Variants in RRM2 observed in about 807,000 individuals in gnomAD.
The protein encoded by RRM2 is ribonucleotide reductase regulatory subunit M2.
A neutral mutation model predicts 45.9 loss-of-function variants in RRM2; 6 were observed. The ratio of observed to expected loss-of-function variants is 0.13; its 90% CI spans 0.07 to 0.26. The LOEUF is 0.26. Ranked by LOEUF, RRM2 falls within the 10% of genes least tolerant of loss-of-function variation. The pLI is 1.00. For synonymous variants in RRM2, 177 were observed against 173.0 expected (o/e 1.02, Z -0.18); for missense variants, 343 against 489.5 (o/e 0.70, Z 2.82).
chr2:10,206,621 T>C (rs772829834), intron 3 of RRM2, among the ~76,000 whole-genome samples: 12 of 152,156 alleles, frequency 7.9e-5, no homozygotes, highest in Non-Finnish European at 1.3e-4. Context: ...GAAGGGGACA[T>C]GTGATAGTCA....
rs115637599 is a variant in RRM2 at position 10,125,074 on chromosome 2, A to G, written c.569+224A>G. 6.6e-3 allele frequency among the ~76,000 whole-genome samples: 1,012 copies of G among 152,328 alleles called. 13 individuals carry two copies. Among genetic ancestry groups the G allele is most frequent in the African/African-American group, 0.023 (954 of 41,556 alleles). On this transcript the variant is annotated intron_variant, in intron 5 of 9. Coordinates refer to ENST00000304567, the MANE Select transcript of RRM2 (RefSeq NM_001034.4). ...TCCTTTTAAAGTTGGATGTCTACCA[A>G]TGTAAAACCTTCTTTTGAAAAAATT...
intron 3 of RRM2, among the ~76,000 whole-genome samples, chr2:10,155,390 T>C (rs4669536): frequency 0.15 from 22,907 of 152,216 alleles, 1,847 homozygotes; most frequent in Middle Eastern, 0.18. Context: ...AGAAGGTACC[T>C]TGCTCATTCA....
rs112904426 is a variant in RRM2, at chr2:10,195,837, G to C, written n.483-14474G>C. On this transcript the variant is annotated intron_variant and non_coding_transcript_variant, in intron 3 of 3. Coordinates refer to the RRM2 transcript ENST00000381786. This position sits in a 1 kb window ranked among gnomAD's most constrained non-coding sequence, Gnocchi z 4.9. Reference sequence around the variant, plus strand: ...TGGCCGATGCTGTGTTAGGATAAACGTGCTAAGGAGGCTCTGGAAAAGAAT... The same window carrying C: ...TGGCCGATGCTGTGTTAGGATAAACCTGCTAAGGAGGCTCTGGAAAAGAAT... Among the ~76,000 whole-genome samples, 4,435 of 152,266 alleles carry C rather than the reference G, an allele frequency of 0.029. 235 individuals carry two copies. The highest frequency in any genetic ancestry group is 0.1 in the African/African-American group (4,227 of 41,550).
rs1331272143 is a variant in RRM2 at position 10,131,069 on chromosome 2, ATTG to A, written c.*1686_*1688del. ...TCAGTATTTGAACGTCGTCCTGTTT[ATTG>A]TTAGTTTTCTTCATCATTTATTGTA... On this transcript the variant is annotated 3_prime_UTR_variant, in exon 10 of 10. Coordinates refer to ENST00000304567, the MANE Select transcript of RRM2 (RefSeq NM_001034.4). 4.6e-5 allele frequency: 7 copies of A among 152,066 alleles called. No homozygotes were observed. Among genetic ancestry groups the A allele is most frequent in the Non-Finnish European group, 1.0e-4 (7 of 68,014 alleles). 9.4% of individuals were successfully genotyped at this position (152,066 alleles called of 1,614,324 possible). A position where few individuals can be genotyped will look rare whatever the true frequency, so the allele number is the denominator to read the frequency against.
intron 3 of RRM2, among the ~76,000 whole-genome samples, chr2:10,197,182 G>T (rs1218624233): frequency 6.6e-6 from 1 of 152,204 alleles, no homozygotes; most frequent in Admixed American, 6.5e-5. Flanking sequence ...TCCCTCCTTC[G>T]AGTGGGGACA....
chr2:10,142,906 C>T lies in RRM2; in HGVS notation n.482+531C>T, dbSNP rs549872797. ...TGTTTGGTTTTGAGACAGAGTCTTG[C>T]TCTGTCACCCAGGCTGCAGTGCAGT... On this transcript the variant is annotated intron_variant and non_coding_transcript_variant, in intron 3 of 3. Coordinates refer to the RRM2 transcript ENST00000381786. Among the ~76,000 whole-genome samples, 45 of 152,328 alleles carry T rather than the reference C, an allele frequency of 3.0e-4. No homozygotes were observed. The South Asian group carries it at 5.4e-3, about 18-fold the overall frequency.
intron 5 of RRM2, 51 bp downstream of exon 5, chr2:10,124,901 T>C: frequency 1.3e-6 from 2 of 1,531,698 alleles, no homozygotes; most frequent in South Asian, 2.4e-5. Context: ...TAATTGTTGA[T>C]TTATTACACA....
chr2:10,193,696 G>C (rs1664356871), intron 3 of RRM2, among the ~76,000 whole-genome samples: 1 of 152,216 alleles, frequency 6.6e-6, no homozygotes. Flanking sequence ...GGTTACCCAA[G>C]TCCCATGCCC....
intron 3 of RRM2, among the ~76,000 whole-genome samples, chr2:10,189,717 C>G (rs1664244266): frequency 6.6e-6 from 1 of 152,224 alleles, no homozygotes; most frequent in African/African-American, 2.4e-5. Context: ...AACACCACTA[C>G]TGACCTCACA....
Position 10,185,278 on chromosome 2 carries a change from TGAGA to T in RRM2, n.483-25019_483-25016del, listed in dbSNP as rs61555678. The stretch of plus-strand genomic sequence containing the variant: ...GTGAAAGCGAGACAGAGCGTGAGAG[TGAGA>T]GAGAGAGAGAGAGGCAGGAGAGGCT... On this transcript the variant is annotated intron_variant and non_coding_transcript_variant, in intron 3 of 3. Coordinates refer to the RRM2 transcript ENST00000381786. This position sits in a 1 kb window ranked among gnomAD's most constrained non-coding sequence, Gnocchi z 4.3. 5.4e-5 allele frequency among the ~76,000 whole-genome samples: 8 copies of T among 148,784 alleles called. No homozygotes were observed. Among genetic ancestry groups the T allele is most frequent in the Admixed American group, 4.0e-4 (6 of 14,930 alleles).
intron 3 of RRM2, among the ~76,000 whole-genome samples, chr2:10,206,060 CA>C (rs1664658467): frequency 1.3e-5 from 2 of 152,100 alleles, no homozygotes; most frequent in South Asian, 2.1e-4. Flanking sequence ...TCCTGGCTAA[CA>C]TGGTGAAACC....
At chr2:10,162,598 T>C (rs982729132) in intron 3 of RRM2, among the ~76,000 whole-genome samples, 1 of 152,120 alleles carries the variant, frequency 6.6e-6, no homozygotes, top group African/African-American at 2.4e-5. Context: ...AAGCCCTCAC[T>C]TTTTTCTGGG....
At chr2:10,190,370 GTGA>G (rs1294207082) in intron 3 of RRM2, among the ~76,000 whole-genome samples, 1 of 134,858 alleles carries the variant, frequency 7.4e-6, no homozygotes, top group African/African-American at 2.9e-5. Context: ...GGTGATGAGT[GTGA>G]TGATGTGGTG....
chr2:10,191,549 G>GCC (rs1664307353), intron 3 of RRM2, among the ~76,000 whole-genome samples: 2 of 152,162 alleles, frequency 1.3e-5, no homozygotes, highest in East Asian at 3.9e-4. Context: ...GGGTGCACAG[G>GCC]CAGAGGAGGT....
intron 3 of RRM2, among the ~76,000 whole-genome samples, chr2:10,178,205 C>T (rs1271651312): frequency 2.1e-5 from 3 of 144,048 alleles, no homozygotes; most frequent in Non-Finnish European, 4.5e-5. Flanking sequence ...GGATTACAGG[C>T]GTGAGCCACC....
At chr2:10,152,796 C>T (rs1366340531) in intron 3 of RRM2, among the ~76,000 whole-genome samples, 1 of 151,796 alleles carries the variant, frequency 6.6e-6, no homozygotes, top group African/African-American at 2.4e-5. Flanking sequence ...GTGTACTATT[C>T]TTAAGAAATC....
At chr2:10,189,373 C>T (rs74816485) in intron 3 of RRM2, among the ~76,000 whole-genome samples, 14,312 of 152,236 alleles carry the variant, frequency 0.094, 1,126 homozygotes, top group East Asian at 0.41. Flanking sequence ...TCATCAGCCA[C>T]GAGCCAGTGC....
intron 3 of RRM2, among the ~76,000 whole-genome samples, chr2:10,199,779 CAAAAAAAAA>C (rs796262395): frequency 0.02 from 278 of 14,248 alleles, 1 homozygote; most frequent in African/African-American, 0.048. Context: ...GACTCAGTCT[CAAAAAAAAA>C]AAAAAAAAAA....
At chr2:10,175,000 A>C (rs976370855) in intron 3 of RRM2, among the ~76,000 whole-genome samples, 1 of 152,256 alleles carries the variant, frequency 6.6e-6, no homozygotes, top group East Asian at 1.9e-4. Context: ...ATATACCCAG[A>C]AAGTCCCTGC....
Sources: gnomAD v4.1 joint callset for allele counts (sites outside exome capture counted in the v4.1 genomes callset) on GRCh38, gnomAD v4.1.1 for gene constraint, Gnocchi (gnomAD v3.1) non-coding constraint, MANE v1.5 for transcripts, NCBI Gene and HGNC (gene_info 2026-07-23, HGNC 2026-07-21) for gene names.